Variants in INO80C observed in about 807,000 individuals in gnomAD.
INO80C encodes the protein IES6 homolog.
INO80C carries 17 observed loss-of-function variants against 17.7 expected under a neutral mutation model. The ratio of observed to expected loss-of-function variants is 0.96; its 90% CI spans 0.66 to 1.44. The LOEUF is 1.44. Among genes scored for constraint, INO80C ranks in the 40% most tolerant of loss-of-function variants. INO80C has a pLI of 0.00. For missense variants in INO80C, 244 were observed against 245.0 expected (o/e 1.00, Z 0.03); for synonymous variants, 96 against 95.8 (o/e 1.00, Z -0.01).
intron 1 of INO80C, among the ~76,000 whole-genome samples, chr18:35,490,479 T>C (rs1315997835): frequency 1.9e-4 from 29 of 152,240 alleles, no homozygotes; most frequent in Admixed American, 1.9e-3. Context: ...TGGGGCCAGA[T>C]ATGCTTTAAG....
At chr18:35,484,835 A>T (rs2144065934) in intron 1 of INO80C, among the ~76,000 whole-genome samples, 1 of 152,334 alleles carries the variant, frequency 6.6e-6, no homozygotes, top group African/African-American at 2.4e-5. Flanking sequence ...GGCTGACTCT[A>T]GGGCTGGAGC....
chr18:35,497,835 G>C lies in INO80C; in HGVS notation c.40C>G (p.Pro14Ala), dbSNP rs1307363710. Residue 14 changes from proline (P) to alanine (A), a missense_variant, in exon 1 of 5, where the codon CCC becomes GCC. Transcript: ENST00000334598. ...QIPIVATTST[P>A]GIVRNSKKRP... ...TTCTTGCTGTTCCGGACTATTCCGG[G>C]AGTGGAAGTGGTGGCCACAATTGGA... 4 of 1,602,324 alleles carry C rather than the reference G, an allele frequency of 2.5e-6. No homozygotes were observed. Among genetic ancestry groups the C allele is most frequent in the African/African-American group, 1.3e-5 (1 of 74,104 alleles).
At chr18:35,472,216 C>A (rs540964786) in intron 4 of INO80C, among the ~76,000 whole-genome samples, 1 of 152,348 alleles carries the variant, frequency 6.6e-6, no homozygotes, top group Admixed American at 6.5e-5. Flanking sequence ...TACACTCCCA[C>A]CAACAGTGTA....
In INO80C at chr18:35,479,297, C is replaced by T. The variant is rs2144047951; in HGVS notation, c.379+3G>A. ...AACACATGGAAGGCTCTAGACAGCT[C>T]ACAGTTAGGATCGTTCAGTTGCCAC... On this transcript the variant is annotated splice_donor_region_variant and intron_variant, in intron 3 of 4. Coordinates refer to ENST00000334598, the MANE Select transcript of INO80C (RefSeq NM_194281.4). 1 of 1,589,202 alleles carries T rather than the reference C, an allele frequency of 6.3e-7. No homozygotes were observed. Among genetic ancestry groups the T allele is most frequent in the African/African-American group, 1.3e-5 (1 of 74,532 alleles).
At chr18:35,485,315 C>T (rs1289093803) in intron 1 of INO80C, among the ~76,000 whole-genome samples, 1 of 152,172 alleles carries the variant, frequency 6.6e-6, no homozygotes, top group Non-Finnish European at 1.5e-5. Context: ...ACTTAAGCAA[C>T]AAACCAGTAT....
chr18:35,492,964 G>C (rs1357558264), intron 1 of INO80C, among the ~76,000 whole-genome samples: 1 of 152,196 alleles, frequency 6.6e-6, no homozygotes, highest in African/African-American at 2.4e-5. Flanking sequence ...TTATACCAGA[G>C]ATCTAATTAA....
intron 1 of INO80C, among the ~76,000 whole-genome samples, chr18:35,493,580 G>C (rs2045952111): frequency 6.6e-6 from 1 of 152,134 alleles, no homozygotes; most frequent in South Asian, 2.1e-4. Flanking sequence ...TTCTATAAAT[G>C]CTTTTCTCAG....
intron 1 of INO80C, among the ~76,000 whole-genome samples, chr18:35,485,882 T>C (rs1169997058): frequency 6.6e-6 from 1 of 152,208 alleles, no homozygotes; most frequent in Non-Finnish European, 1.5e-5. Flanking sequence ...CCCAACACTT[T>C]GGGAGGCTGA....
intron 4 of INO80C, among the ~76,000 whole-genome samples, chr18:35,472,741 TTC>T (rs1413884892): frequency 4.6e-5 from 7 of 152,238 alleles, no homozygotes; most frequent in African/African-American, 1.4e-4. Flanking sequence ...AGATACCCAT[TTC>T]TGTTTGTTGG....
intron 4 of INO80C, among the ~76,000 whole-genome samples, chr18:35,470,907 C>T (rs2045661919): frequency 6.6e-6 from 1 of 152,222 alleles, no homozygotes; most frequent in African/African-American, 2.4e-5. Flanking sequence ...TAAGCAAACG[C>T]CAACTTCCCA....
chr18:35,480,716 G>T (rs1244706806), intron 1 of INO80C, among the ~76,000 whole-genome samples, 153 bp from the exon 2 acceptor site: 2 of 152,204 alleles, frequency 1.3e-5, no homozygotes, highest in Non-Finnish European at 2.9e-5. Context: ...CTAGGGGAGG[G>T]CACACCACAC....
chr18:35,494,084 C>G (rs1279096782), intron 1 of INO80C, among the ~76,000 whole-genome samples: 1 of 152,220 alleles, frequency 6.6e-6, no homozygotes, highest in African/African-American at 2.4e-5. Flanking sequence ...GCCTCCCTAC[C>G]TCTCCTTTGA....
chr18:35,474,446 G>GGGA (rs2045710690), intron 4 of INO80C, among the ~76,000 whole-genome samples: 4 of 151,630 alleles, frequency 2.6e-5, no homozygotes, highest in Non-Finnish European at 4.4e-5. Context: ...CCAACACTTT[G>GGGA]GGAGGCCAAG....
intron 1 of INO80C, among the ~76,000 whole-genome samples, chr18:35,494,290 A>T (rs73416805): frequency 1.3e-4 from 20 of 152,296 alleles, no homozygotes; most frequent in African/African-American, 4.8e-4. Context: ...GTGTGCACAC[A>T]ATTTCTCCGA....
chr18:35,476,565 G>A (rs538649268), intron 4 of INO80C, among the ~76,000 whole-genome samples: 1 of 152,198 alleles, frequency 6.6e-6, no homozygotes, highest in South Asian at 2.1e-4. Context: ...TAAATCCAGA[G>A]AAGGCAGAAA....
At chr18:35,487,808 C>T (rs1265844153) in intron 1 of INO80C, 1 of 152,246 alleles carries the variant, frequency 6.6e-6, no homozygotes, top group African/African-American at 2.4e-5. Context: ...AAGGCAAGTC[C>T]CTTCCACCAA....
Position 35,494,464 on chromosome 18 carries a change from T to C in INO80C, c.156+3255A>G, listed in dbSNP as rs11081907. Among the ~76,000 whole-genome samples, 5,316 of 152,260 alleles carry C rather than the reference T, an allele frequency of 0.035. 513 individuals carry two copies. The East Asian group carries it at 0.39, about 11-fold the overall frequency. ...GTCCAGGGGTCAGCAATAAAAGAAG[T>C]CTGAAATATCTGAAGCATGAGAAGA... On this transcript the variant is annotated intron_variant, in intron 1 of 4. Transcript: ENST00000334598.
chr18:35,490,999 G>A (rs1461047808), intron 1 of INO80C, among the ~76,000 whole-genome samples: 5 of 152,190 alleles, frequency 3.3e-5, no homozygotes, highest in East Asian at 1.9e-4. Context: ...GACTCAAGTG[G>A]TCTGCCCACC....
At chr18:35,483,661 C>G (rs1203212027) in intron 1 of INO80C, 1 of 152,170 alleles carries the variant, frequency 6.6e-6, no homozygotes, top group Non-Finnish European at 1.5e-5. Flanking sequence ...GGTGGTATGA[C>G]TGAATGCCAG....
Sources: gnomAD v4.1 joint callset for allele counts (sites outside exome capture counted in the v4.1 genomes callset) on GRCh38, gnomAD v4.1.1 for gene constraint, MANE v1.5 for transcripts, NCBI Gene and HGNC (gene_info 2026-07-23, HGNC 2026-07-21) for gene names.